LRRC37A2: variants seen among roughly 807,000 people sequenced by gnomAD.
LRRC37A2 encodes the protein leucine-rich repeat-containing protein 37A2.
In LRRC37A2, 9 loss-of-function variants were observed where a neutral mutation model predicts 68.8. The ratio of observed to expected loss-of-function variants is 0.13; its 90% CI spans 0.08 to 0.23. The LOEUF (loss-of-function observed/expected upper bound fraction) is 0.23, where lower values mean the gene tolerates loss of function less well. LRRC37A2 is among the 10% of genes least tolerant of loss of function. LRRC37A2 has a pLI of 1.00. For missense variants in LRRC37A2, 168 were observed against 950.4 expected (o/e 0.18, Z 10.82); for synonymous variants, 63 against 367.6 (o/e 0.17, Z 9.48).
chr17:46,897,086 A>G, the LRRC37A2 span, among the ~76,000 whole-genome samples: 2 of 152,304 alleles, frequency 1.3e-5, no homozygotes, highest in South Asian at 4.2e-4. Flanking sequence ...ACTTCAGAAG[A>G]GAAAGAATCT....
At chr17:46,749,657 A>G in the LRRC37A2 span, 1 of 959,806 alleles carries the variant, frequency 1.0e-6, no homozygotes, top group East Asian at 2.6e-5. Context: ...GTTTTGCCTA[A>G]TCATTTGCAT....
the LRRC37A2 span, among the ~76,000 whole-genome samples, chr17:46,796,741 C>G: frequency 6.6e-6 from 1 of 152,222 alleles, no homozygotes; most frequent in African/African-American, 2.4e-5. Context: ...CCTGATCAGT[C>G]CCTGGTTCCT....
chr17:46,492,485 A>G, the LRRC37A2 span, among the ~76,000 whole-genome samples: 2 of 150,546 alleles, frequency 1.3e-5, no homozygotes, highest in African/African-American at 2.5e-5. Context: ...AAACATTTCC[A>G]TAATGTTTTT....
the LRRC37A2 span, among the ~76,000 whole-genome samples, chr17:46,877,996 C>T: frequency 2.6e-5 from 4 of 152,208 alleles, no homozygotes; most frequent in Non-Finnish European, 4.4e-5. Context: ...CTGCCAAGGC[C>T]CTCTGTGAAA....
chr17:46,764,906 G>A, the LRRC37A2 span, among the ~76,000 whole-genome samples: 1 of 152,242 alleles, frequency 6.6e-6, no homozygotes, highest in Non-Finnish European at 1.5e-5. Flanking sequence ...AGGAAGCCCA[G>A]GAGCAGGTCA....
the LRRC37A2 span, among the ~76,000 whole-genome samples, chr17:46,977,123 A>G: frequency 6.6e-6 from 1 of 152,170 alleles, no homozygotes; most frequent in East Asian, 1.9e-4. Flanking sequence ...GCCAGGGACC[A>G]TCTGTGCCTT....
At chr17:46,502,997 T>C in the LRRC37A2 span, among the ~76,000 whole-genome samples, 1 of 150,638 alleles carries the variant, frequency 6.6e-6, no homozygotes, top group African/African-American at 2.5e-5. Context: ...TGGATCCCGA[T>C]GTCAGGAGAT....
At chr17:46,776,602 G>A in the LRRC37A2 span, among the ~76,000 whole-genome samples, 1 of 152,096 alleles carries the variant, frequency 6.6e-6, no homozygotes, top group African/African-American at 2.4e-5. Flanking sequence ...TGCCCCTCCC[G>A]TGCTCTTAAG....
the LRRC37A2 span, among the ~76,000 whole-genome samples, chr17:46,749,342 C>CT: frequency 6.6e-6 from 1 of 152,160 alleles, no homozygotes; most frequent in African/African-American, 2.4e-5. Flanking sequence ...TAAATATAAA[C>CT]TCTTATTACC....
the LRRC37A2 span, chr17:46,931,051 G>T: frequency 3.1e-5 from 30 of 981,788 alleles, no homozygotes; most frequent in East Asian, 6.9e-4. Flanking sequence ...TGTAATTTAA[G>T]TTCACTATCT....
the LRRC37A2 span, among the ~76,000 whole-genome samples, chr17:46,906,117 T>A: frequency 9.4e-3 from 1,431 of 152,198 alleles, 32 homozygotes; most frequent in African/African-American, 0.033. Flanking sequence ...GAGGAGCAGC[T>A]CACTCAGCCC....
the LRRC37A2 span, among the ~76,000 whole-genome samples, chr17:46,717,756 G>A: frequency 1.3e-5 from 2 of 152,236 alleles, no homozygotes; most frequent in South Asian, 2.1e-4. Flanking sequence ...TGGGCCTGGT[G>A]GCAGTGGCGG....
chr17:46,988,860 G>A, the LRRC37A2 span, among the ~76,000 whole-genome samples: 1 of 152,178 alleles, frequency 6.6e-6, no homozygotes, highest in Non-Finnish European at 1.5e-5. Context: ...GGGAATCACA[G>A]TGAAAGCCAG....
chr17:46,750,942 AAAG>A, the LRRC37A2 span, among the ~76,000 whole-genome samples: 5 of 152,320 alleles, frequency 3.3e-5, no homozygotes, highest in East Asian at 9.6e-4. Flanking sequence ...CATTTTTAAA[AAAG>A]AACGTTCTTC....
the LRRC37A2 span, among the ~76,000 whole-genome samples, chr17:46,866,899 T>C: frequency 4.6e-5 from 7 of 152,150 alleles, no homozygotes; most frequent in East Asian, 1.9e-4. Flanking sequence ...TCTTAGGTGA[T>C]GAGAAAAGCT....
chr17:46,755,973 A>T, the LRRC37A2 span: 3 of 687,930 alleles, frequency 4.4e-6, no homozygotes, highest in Non-Finnish European at 7.1e-6. Flanking sequence ...GTGCAATAAA[A>T]CTCCCTTCCT....
At chr17:46,940,256 T>C in the LRRC37A2 span, 1 of 1,424,922 alleles carries the variant, frequency 7.0e-7, no homozygotes, top group South Asian at 1.6e-5. Context: ...ACACTTTCGG[T>C]TGGAGGAGAT....
chr17:46,949,312 A>G, the LRRC37A2 span: 3 of 152,516 alleles, frequency 2.0e-5, no homozygotes, highest in South Asian at 6.2e-4. Context: ...CCATGGGACC[A>G]GGGCTTCCTC....
At position 46,532,130 on chromosome 17, in the gene LRRC37A2, C is replaced by G. The variant is rs1411103291; in HGVS notation, c.2907-8046C>G. Among the ~76,000 whole-genome samples, 7 of 149,954 alleles carry G rather than the reference C, an allele frequency of 4.7e-5. 1 individual carries two copies. The highest frequency in any genetic ancestry group is 1.8e-4 in the African/African-American group (7 of 39,702). ...ATCAGGCTGCTCTCGAACTCCTAAC[C>G]TCAGATGATCCACCTGCTTCAGCCT... On this transcript the variant is annotated intron_variant, in intron 6 of 14. Coordinates refer to ENST00000576629, the Ensembl canonical transcript of LRRC37A2.
Sources: gnomAD v4.1 joint callset for allele counts (sites outside exome capture counted in the v4.1 genomes callset) on GRCh38, gnomAD v4.1.1 for gene constraint, MANE v1.5 for transcripts, NCBI Gene and HGNC (gene_info 2026-07-23, HGNC 2026-07-21) for gene names.